Variants in ARHGEF12 observed in about 807,000 individuals in gnomAD.
ARHGEF12 encodes the protein Rho guanine nucleotide exchange factor 12, also known as KMT2A/ARHGEF12 fusion protein.
In ARHGEF12, 66 loss-of-function variants were observed where a neutral mutation model predicts 211.2. The observed-to-expected ratio is 0.31, with a 90% CI of 0.26 to 0.38. ARHGEF12 has a LOEUF of 0.38. Ranked by LOEUF, ARHGEF12 falls within the 10% of genes least tolerant of loss-of-function variation. The probability of loss-of-function intolerance (pLI) is 1.00; values close to 1 mark genes in which losing one functional copy is unlikely to be tolerated. For missense variants in ARHGEF12, 1,429 were observed against 1,869.5 expected (o/e 0.76, Z 4.34); for synonymous variants, 592 against 638.4 (o/e 0.93, Z 1.09).
At chr11:120,400,431 G>A (rs889791145) in intron 1 of ARHGEF12, among the ~76,000 whole-genome samples, 1 of 152,070 alleles carries the variant, frequency 6.6e-6, no homozygotes, top group Non-Finnish European at 1.5e-5. Flanking sequence ...ACTGAGGTGA[G>A]GATACTTGTT....
chr11:120,338,386 C>G (rs1014080037), intron 1 of ARHGEF12, among the ~76,000 whole-genome samples: 1 of 152,188 alleles, frequency 6.6e-6, no homozygotes, highest in Non-Finnish European at 1.5e-5. Context: ...GGCCAAATTC[C>G]ATTATCATAC....
chr11:120,447,150 C>A (rs1946070416), intron 18 of ARHGEF12, 65 bp downstream of exon 18: 2 of 1,526,818 alleles, frequency 1.3e-6, no homozygotes, highest in Non-Finnish European at 1.8e-6. Flanking sequence ...CTTGAAGTGT[C>A]CTTTGGGTAG....
intron 5 of ARHGEF12, 72 bp from the exon 6 acceptor site, chr11:120,421,731 C>T: frequency 1.4e-6 from 2 of 1,409,830 alleles, no homozygotes; most frequent in East Asian, 2.3e-5. Context: ...GTTTGTTATA[C>T]TGTCTCTCTG....
In ARHGEF12 at chr11:120,460,005, C is replaced by T. The variant is rs139471527; in HGVS notation, c.2528-667C>T. ...GGATTATAGGCATGAGCCACTGCCC[C>T]GGCCTCAGGAATTATTTTATTGTTT... On this transcript the variant is annotated intron_variant, in intron 26 of 40. Transcript: ENST00000397843. 2.6e-4 allele frequency among the ~76,000 whole-genome samples: 40 copies of T among 152,306 alleles called. 1 individual carries two copies. The East Asian group carries it at 6.0e-3, about 23-fold the overall frequency.
At chr11:120,436,897 A>G (rs1283878583) in intron 11 of ARHGEF12, among the ~76,000 whole-genome samples, 2 of 152,210 alleles carry the variant, frequency 1.3e-5, no homozygotes, top group Non-Finnish European at 2.9e-5. Context: ...ACAGAATAGT[A>G]GAAGCTTAAT....
intron 11 of ARHGEF12, among the ~76,000 whole-genome samples, chr11:120,433,733 G>A (rs189920297): frequency 5.7e-4 from 87 of 152,196 alleles, no homozygotes; most frequent in Admixed American, 2.5e-3. Flanking sequence ...AGGCAGGCCA[G>A]TCACAAGGTC....
intron 23 of ARHGEF12, 94 bp from the exon 24 acceptor site, chr11:120,457,627 C>A: frequency 1.2e-6 from 1 of 842,818 alleles, no homozygotes; most frequent in Non-Finnish European, 1.8e-6. Flanking sequence ...ATTTATCAAG[C>A]TGCTGGAGTT....
chr11:120,460,607 G>A, intron 26 of ARHGEF12, 65 bp from the exon 27 acceptor site: 1 of 1,359,236 alleles, frequency 7.4e-7, no homozygotes, highest in Non-Finnish European at 1.0e-6. Context: ...TAGCTACTCT[G>A]TACTACCAGT....
In ARHGEF12 at chr11:120,486,973, T is replaced by C. The variant is rs532881655; in HGVS notation, c.*1896T>C. On this transcript the variant is annotated 3_prime_UTR_variant, in exon 41 of 41. Transcript: ENST00000397843. Reference sequence around the variant, plus strand: ...CTAATATATAAATGAAGTTTGGGATTTGGAACTTTCTGTATCTCTTAGGAG... The same window carrying C: ...CTAATATATAAATGAAGTTTGGGATCTGGAACTTTCTGTATCTCTTAGGAG... 1 of 214,074 alleles carries C rather than the reference T, an allele frequency of 4.7e-6. No individual in the cohort carries two copies. The highest frequency in any genetic ancestry group is 7.0e-5 in the East Asian group (1 of 14,354). 13.3% of individuals were successfully genotyped at this position (214,074 alleles called of 1,614,324 possible).
At chr11:120,343,945 A>G (rs1247585737) in intron 1 of ARHGEF12, among the ~76,000 whole-genome samples, 2 of 152,106 alleles carry the variant, frequency 1.3e-5, no homozygotes, top group African/African-American at 4.8e-5. Flanking sequence ...TCTTTTATGG[A>G]TTCAAAAAAA....
At chr11:120,366,424 C>G (rs997726362) in intron 1 of ARHGEF12, among the ~76,000 whole-genome samples, 1 of 151,984 alleles carries the variant, frequency 6.6e-6, no homozygotes, top group Non-Finnish European at 1.5e-5. Context: ...TCCCAAAGTG[C>G]TGGGGTTACA....
Position 120,487,548 on chromosome 11 carries a change from A to T in ARHGEF12, c.*2471A>T, listed in dbSNP as rs1038193004. On this transcript the variant is annotated 3_prime_UTR_variant, in exon 41 of 41. Transcript: ENST00000397843. ...GTTGTGACATCTTCCTTTCAGGATGATGGAATTAGATGCAGTCTGTCTTTG... is the reference window on the plus strand; with the variant it reads ...GTTGTGACATCTTCCTTTCAGGATGTTGGAATTAGATGCAGTCTGTCTTTG... The T allele has an allele frequency of 9.4e-6, 2 of 213,782 alleles. No individual in the cohort carries two copies. Among genetic ancestry groups the T allele is most frequent in the Non-Finnish European group, 1.9e-5 (2 of 105,890 alleles). The allele number at this position is 213,782 out of a possible 1,614,324, so 13.2% of individuals were successfully genotyped here.
At chr11:120,426,149 A>C (rs1313066049) in intron 7 of ARHGEF12, among the ~76,000 whole-genome samples, 2 of 152,164 alleles carry the variant, frequency 1.3e-5, no homozygotes, top group Non-Finnish European at 2.9e-5. Context: ...AAACTTGACC[A>C]CTTATTTAAT....
At chr11:120,442,427 TACACACACACACACACACAC>T (rs59268139) in intron 15 of ARHGEF12, among the ~76,000 whole-genome samples, 1 of 144,004 alleles carries the variant, frequency 6.9e-6, no homozygotes, top group Admixed American at 7.0e-5. Context: ...TATATATATA[TACACACACACACACACACAC>T]ACACACACAT....
intron 29 of ARHGEF12, among the ~76,000 whole-genome samples, chr11:120,467,759 T>G (rs974857411): frequency 9.9e-5 from 15 of 152,130 alleles, no homozygotes; most frequent in African/African-American, 3.1e-4. Flanking sequence ...AGATATGATC[T>G]AGTCTTCTTC....
At chr11:120,464,797 C>G (rs1946647492) in intron 27 of ARHGEF12, 1 of 156,410 alleles carries the variant, frequency 6.4e-6, no homozygotes, top group African/African-American at 2.4e-5. Context: ...CACCTGAGGT[C>G]AGGAGTTTGA....
At position 120,441,832 on chromosome 11, in the gene ARHGEF12, A is replaced by G; in HGVS notation, c.1203+15A>G. 6.2e-7 allele frequency: 1 copy of G among 1,604,644 alleles called. No homozygotes were observed. Among genetic ancestry groups the G allele is most frequent in the Non-Finnish European group, 8.5e-7 (1 of 1,171,878 alleles). ...CTGCGACTTTGGTAATATATTTTAC[A>G]ATCTAGCAGATTCAGAGTTCTTCTG... On this transcript the variant is annotated intron_variant, in intron 14 of 40. Coordinates refer to ENST00000397843, the MANE Select transcript of ARHGEF12 (RefSeq NM_015313.3).
chr11:120,367,353 C>CTTTTTTTTTTTTTTTTTTTTTATTTTT (rs1943453152), intron 1 of ARHGEF12, among the ~76,000 whole-genome samples: 1 of 59,350 alleles, frequency 1.7e-5, no homozygotes, highest in Non-Finnish European at 2.9e-5. Context: ...ATACTTTTTC[C>CTTTTTTTTTTTTTTTTTTTTTATTTTT]TTTTTTTTTT....
At chr11:120,373,403 A>G (rs1474391554) in intron 1 of ARHGEF12, among the ~76,000 whole-genome samples, 1 of 152,222 alleles carries the variant, frequency 6.6e-6, no homozygotes, top group African/African-American at 2.4e-5. Context: ...GTTCTCTACA[A>G]TGTTCTATAT....
Sources: allele counts gnomAD v4.1 joint callset (sites outside exome capture counted in the v4.1 genomes callset), GRCh38; gene constraint gnomAD v4.1.1; transcripts MANE v1.5; gene names NCBI Gene and HGNC (gene_info 2026-07-23, HGNC 2026-07-21).